The following STARD3NL variants were observed in gnomAD, a reference collection of about 807,000 sequenced individuals.
STARD3NL encodes the protein STARD3 N-terminal-like protein.
STARD3NL carries 17 observed loss-of-function variants against 30.9 expected under a neutral mutation model. The observed-to-expected ratio is 0.55, with a 90% CI of 0.38 to 0.82. The LOEUF (loss-of-function observed/expected upper bound fraction) is 0.82. STARD3NL is among the 40% of genes least tolerant of loss of function. STARD3NL has a pLI of 0.00. For missense variants in STARD3NL, 234 were observed against 277.6 expected (o/e 0.84, Z 1.12); for synonymous variants, 112 against 100.5 (o/e 1.11, Z -0.69).
chr7:38,218,642 G>T (rs1346692661), intron 6 of STARD3NL, among the ~76,000 whole-genome samples: 1 of 152,168 alleles, frequency 6.6e-6, no homozygotes, highest in Non-Finnish European at 1.5e-5. Context: ...TTCATTGTCA[G>T]TAGCATGTAT....
intron 4 of STARD3NL, 150 bp downstream of exon 4, chr7:38,215,255 G>A (rs111754717): frequency 1.2e-4 from 75 of 645,074 alleles, no homozygotes; most frequent in Non-Finnish European, 1.8e-4. Context: ...TACTTAAGTA[G>A]GTTTAATACT....
chr7:38,193,179 T>A (rs1784760087), intron 1 of STARD3NL, among the ~76,000 whole-genome samples: 1 of 152,204 alleles, frequency 6.6e-6, no homozygotes, highest in Admixed American at 6.5e-5. Flanking sequence ...TCAAAGCTTT[T>A]GGCCTAAATG....
At chr7:38,186,993 T>G (rs1474572585) in intron 1 of STARD3NL, among the ~76,000 whole-genome samples, 1 of 151,824 alleles carries the variant, frequency 6.6e-6, no homozygotes, top group Admixed American at 6.6e-5. Context: ...CCCCGTTGTT[T>G]CAGTTACTTT....
intron 1 of STARD3NL, among the ~76,000 whole-genome samples, chr7:38,185,058 T>C (rs1370748530): frequency 6.6e-6 from 1 of 152,058 alleles, no homozygotes; most frequent in East Asian, 1.9e-4. Context: ...CTTTATTTTC[T>C]GAATATTTTA....
intron 7 of STARD3NL, among the ~76,000 whole-genome samples, chr7:38,227,091 A>G (rs949749175): frequency 4.6e-5 from 7 of 152,186 alleles, no homozygotes; most frequent in Non-Finnish European, 1.5e-5. Context: ...GAGAGGATTT[A>G]TTGACTTCTT....
intron 1 of STARD3NL, chr7:38,198,282 G>A (rs1246018546): frequency 3.3e-5 from 5 of 152,250 alleles, no homozygotes; most frequent in Non-Finnish European, 5.9e-5. Context: ...AAAGTCAATT[G>A]CCTCCAGGCT....
chr7:38,209,016 G>T (rs1241144174), intron 2 of STARD3NL, among the ~76,000 whole-genome samples: 1 of 152,044 alleles, frequency 6.6e-6, no homozygotes, highest in Non-Finnish European at 1.5e-5. Context: ...AATAATATTT[G>T]TCCCATAATC....
intron 1 of STARD3NL, chr7:38,202,334 T>C (rs896060212): frequency 2.6e-5 from 4 of 152,214 alleles, no homozygotes; most frequent in Non-Finnish European, 5.9e-5. Context: ...CAGAGACACA[T>C]TACCTAATGT....
intron 1 of STARD3NL, among the ~76,000 whole-genome samples, chr7:38,189,386 G>A (rs544993133): frequency 1.3e-5 from 2 of 152,280 alleles, no homozygotes; most frequent in South Asian, 4.2e-4. Flanking sequence ...GTGCATCCAA[G>A]TGTAATAAGT....
intron 7 of STARD3NL, 123 bp from the exon 8 acceptor site, chr7:38,228,676 G>A: frequency 1.4e-6 from 1 of 709,754 alleles, no homozygotes; most frequent in East Asian, 2.9e-5. Context: ...ATCTCTTGAG[G>A]ATTAAACATA....
chr7:38,207,493 C>G lies in STARD3NL; in HGVS notation c.-12C>G. The G allele has an allele frequency of 6.2e-7, 1 of 1,612,760 alleles. No individual in the cohort carries two copies. Among genetic ancestry groups the G allele is most frequent in the Non-Finnish European group, 8.5e-7 (1 of 1,179,098 alleles). Reference sequence around the variant, plus strand: ...TGAGGTTGGAAAAAGGCTCCTGTAACCCTCCTCCAGGATGAACCACCTGCC... The same window carrying G: ...TGAGGTTGGAAAAAGGCTCCTGTAAGCCTCCTCCAGGATGAACCACCTGCC... On this transcript the variant is annotated 5_prime_UTR_variant, in exon 2 of 9. Coordinates refer to ENST00000009041, the MANE Select transcript of STARD3NL (RefSeq NM_032016.4).
chr7:38,179,048 A>T (rs1204173192), intron 1 of STARD3NL: 1 of 152,190 alleles, frequency 6.6e-6, no homozygotes, highest in East Asian at 1.9e-4. Context: ...ACATTGTGGA[A>T]CTTTTCTTTG....
At chr7:38,188,794 A>G (rs1784566003) in intron 1 of STARD3NL, among the ~76,000 whole-genome samples, 1 of 152,218 alleles carries the variant, frequency 6.6e-6, no homozygotes, top group Non-Finnish European at 1.5e-5. Context: ...TACATGTCAA[A>G]TGAAAGTTTA....
intron 8 of STARD3NL, among the ~76,000 whole-genome samples, 182 bp from the exon 9 acceptor site, chr7:38,229,741 G>GT (rs750360951): frequency 6.6e-5 from 10 of 152,202 alleles, no homozygotes; most frequent in Non-Finnish European, 1.3e-4. Flanking sequence ...GGGCATGCTC[G>GT]TAGTTGAGCC....
At chr7:38,197,160 C>CT (rs999881228) in intron 1 of STARD3NL, among the ~76,000 whole-genome samples, 1 of 146,104 alleles carries the variant, frequency 6.8e-6, no homozygotes, top group Non-Finnish European at 1.5e-5. Flanking sequence ...TTCTTTCTTT[C>CT]TTTCTTTCTT....
chr7:38,207,575 A>AT lies in STARD3NL; in HGVS notation c.72dup (p.Ile25TyrfsTer14). ...CAGAGCTCCCATGCTTCTCTGCGCA[A>AT]TATCCATTCCATCAACCCCACACAA... is the stretch of plus-strand genomic sequence containing the variant. On this transcript the variant is annotated frameshift_variant, in exon 2 of 9. Coordinates refer to ENST00000009041, the MANE Select transcript of STARD3NL (RefSeq NM_032016.4). LOFTEE classifies it high-confidence loss of function. 2 of 1,614,086 alleles carry AT rather than the reference A, an allele frequency of 1.2e-6. No homozygotes were observed. Among genetic ancestry groups the AT allele is most frequent in the Non-Finnish European group, 1.7e-6 (2 of 1,179,958 alleles).
At chr7:38,229,424 G>A (rs1181742690) in intron 8 of STARD3NL, among the ~76,000 whole-genome samples, 1 of 152,260 alleles carries the variant, frequency 6.6e-6, no homozygotes, top group Non-Finnish European at 1.5e-5. Flanking sequence ...AAGCAGTCAT[G>A]CTTAATGGGC....
chr7:38,209,267 T>C lies in STARD3NL; in HGVS notation c.225+1538T>C, dbSNP rs150054114. On this transcript the variant is annotated intron_variant, in intron 2 of 8. Transcript: ENST00000009041. The stretch of plus-strand genomic sequence containing the variant: ...AAAACTGTAGCTATGTAATGAGAGA[T>C]GAAAAGGAAATGCGTCTTTTTTTTT... Among the ~76,000 whole-genome samples, 354 of 152,198 alleles carry C rather than the reference T, an allele frequency of 2.3e-3. 3 individuals are homozygous for C. The highest frequency in any genetic ancestry group is 8.2e-3 in the African/African-American group (339 of 41,526).
intron 1 of STARD3NL, among the ~76,000 whole-genome samples, chr7:38,186,963 G>T (rs2115953020): frequency 6.6e-6 from 1 of 152,232 alleles, no homozygotes; most frequent in South Asian, 2.1e-4. Context: ...ATAGAAGCTG[G>T]AGGAAGGTAG....
Sources: allele counts gnomAD v4.1 joint callset (sites outside exome capture counted in the v4.1 genomes callset), GRCh38; gene constraint gnomAD v4.1.1; transcripts MANE v1.5; gene names NCBI Gene and HGNC (gene_info 2026-07-23, HGNC 2026-07-21).